The following CSMD1 variants were observed in gnomAD, a reference collection of about 807,000 sequenced individuals.
CSMD1 encodes CUB and sushi domain-containing protein 1.
In CSMD1, 213 loss-of-function variants were observed where a neutral mutation model predicts 417.5. The ratio of observed to expected loss-of-function variants is 0.51; its 90% CI spans 0.46 to 0.57. The LOEUF is 0.57. Ranked by LOEUF, CSMD1 falls within the 20% of genes least tolerant of loss-of-function variation. CSMD1 has a pLI of 0.00. For synonymous variants in CSMD1, 2,862 were observed against 1,736.8 expected, an observed-to-expected ratio of 1.65 and a Z score of -16.11; for missense variants, 6,923 against 4,529.7, an observed-to-expected ratio of 1.53 and a Z score of -15.17.
At chr8:4,600,238 C>T (rs1800511727) in intron 2 of CSMD1, among the ~76,000 whole-genome samples, 1 of 151,940 alleles carries the variant, frequency 6.6e-6, no homozygotes. Context: ...TGATACTCTA[C>T]TCTCTCTCTC....
intron 2 of CSMD1, among the ~76,000 whole-genome samples, chr8:4,507,735 G>C (rs1269543779): frequency 1.3e-5 from 2 of 152,162 alleles, no homozygotes; most frequent in Non-Finnish European, 1.5e-5. Flanking sequence ...CTAAGAGGTA[G>C]ATCAGTTTAT....
chr8:3,518,281 A>T (rs1797364338), intron 10 of CSMD1, among the ~76,000 whole-genome samples: 1 of 152,198 alleles, frequency 6.6e-6, no homozygotes, highest in African/African-American at 2.4e-5. Flanking sequence ...ATTATATAAG[A>T]GAGAATTATT....
intron 2 of CSMD1, among the ~76,000 whole-genome samples, chr8:4,424,510 C>T (rs921986657): frequency 6.6e-6 from 1 of 151,694 alleles, no homozygotes; most frequent in African/African-American, 2.4e-5. Flanking sequence ...ATATTTCAGC[C>T]AATCAGAATA....
At chr8:3,565,060 CA>C (rs1799639855) in intron 10 of CSMD1, among the ~76,000 whole-genome samples, 1 of 138,498 alleles carries the variant, frequency 7.2e-6, no homozygotes, top group Admixed American at 7.8e-5. Context: ...GCACATCCTG[CA>C]CATGGACCCC....
chr8:4,578,206 G>A (rs1019278296), intron 2 of CSMD1, among the ~76,000 whole-genome samples: 1 of 151,942 alleles, frequency 6.6e-6, no homozygotes, highest in Non-Finnish European at 1.5e-5. Context: ...TGTTGCCCAC[G>A]CTGGAGTGCA....
chr8:3,737,091 T>C (rs1796558837), intron 6 of CSMD1, among the ~76,000 whole-genome samples: 1 of 152,232 alleles, frequency 6.6e-6, no homozygotes, highest in South Asian at 2.1e-4. Flanking sequence ...TATATTATAG[T>C]CATGTAACTA....
chr8:4,858,896 A>T (rs1037098264), intron 1 of CSMD1, among the ~76,000 whole-genome samples: 27 of 150,928 alleles, frequency 1.8e-4, no homozygotes, highest in African/African-American at 6.1e-4. Flanking sequence ...GACTTTCTTC[A>T]CAGAATTGGA....
chr8:3,696,588 A>T lies in CSMD1; in HGVS notation c.1009+11826T>A, dbSNP rs2624112. Reference sequence around the variant, plus strand: ...AATTAGTGTGGTAATTAATTTGGGCAGATCAGGAAAAAAATGAGCGCTTTG... The same window carrying T: ...AATTAGTGTGGTAATTAATTTGGGCTGATCAGGAAAAAAATGAGCGCTTTG... On this transcript the variant is annotated intron_variant, in intron 7 of 69. Transcript: ENST00000635120. Among the ~76,000 whole-genome samples, 971 of 152,318 alleles carry T rather than the reference A, an allele frequency of 6.4e-3. 13 individuals carry two copies. The highest frequency in any genetic ancestry group is 0.022 in the African/African-American group (910 of 41,582).
intron 5 of CSMD1, among the ~76,000 whole-genome samples, chr8:3,914,977 C>G (rs1808716427): frequency 2.0e-5 from 3 of 152,246 alleles, no homozygotes; most frequent in South Asian, 2.1e-4. Context: ...GTGATGAAAG[C>G]TGAACGGAAC....
chr8:3,779,484 A>T (rs919487135), intron 5 of CSMD1, among the ~76,000 whole-genome samples: 66 of 152,204 alleles, frequency 4.3e-4, no homozygotes, highest in Non-Finnish European at 1.3e-4. Context: ...ATCCTTTTAT[A>T]GTATTCACTG....
At chr8:4,963,667 T>C (rs975626409) in intron 1 of CSMD1, among the ~76,000 whole-genome samples, 2 of 152,250 alleles carry the variant, frequency 1.3e-5, no homozygotes, top group African/African-American at 4.8e-5. Context: ...TGAATTTGCG[T>C]TGAAATTCCT....
chr8:4,173,695 T>G (rs1425117524), intron 3 of CSMD1, among the ~76,000 whole-genome samples: 1 of 152,142 alleles, frequency 6.6e-6, no homozygotes, highest in African/African-American at 2.4e-5. Context: ...ATTTCTGAAT[T>G]ACTCAAATAA....
At chr8:3,966,290 G>C (rs1319810140) in intron 5 of CSMD1, among the ~76,000 whole-genome samples, 3 of 152,118 alleles carry the variant, frequency 2.0e-5, no homozygotes, top group South Asian at 4.1e-4. Context: ...AGAGGGGCTT[G>C]GACAGTAACT....
intron 37 of CSMD1, among the ~76,000 whole-genome samples, chr8:3,167,697 A>G (rs34486296): frequency 4.6e-5 from 7 of 152,238 alleles, no homozygotes; most frequent in African/African-American, 1.4e-4. Context: ...AATCTAAAAC[A>G]CAGCCATTAA....
chr8:4,472,699 G>C (rs1055142067), intron 2 of CSMD1, among the ~76,000 whole-genome samples: 18 of 152,026 alleles, frequency 1.2e-4, no homozygotes, highest in Non-Finnish European at 7.4e-5. Context: ...ATATTGAAAT[G>C]AGCATATTAG....
At chr8:3,996,706 GA>G (rs1202275095) in intron 5 of CSMD1, among the ~76,000 whole-genome samples, 4 of 152,242 alleles carry the variant, frequency 2.6e-5, no homozygotes, top group African/African-American at 7.2e-5. Flanking sequence ...GAAAAAAATT[GA>G]AAACAAAGAC....
chr8:3,337,759 G>A (rs1214289773), intron 23 of CSMD1, among the ~76,000 whole-genome samples: 1 of 152,194 alleles, frequency 6.6e-6, no homozygotes, highest in Admixed American at 6.5e-5. Flanking sequence ...CTAATGGGTA[G>A]AGAGAAAGTC....
intron 3 of CSMD1, among the ~76,000 whole-genome samples, chr8:4,159,557 G>C (rs1207553317): frequency 6.6e-6 from 1 of 152,124 alleles, no homozygotes; most frequent in Admixed American, 6.5e-5. Flanking sequence ...TGAATTAATG[G>C]TATTCACAGC....
At chr8:3,353,960 G>T (rs1585042755) in intron 21 of CSMD1, among the ~76,000 whole-genome samples, 1 of 152,098 alleles carries the variant, frequency 6.6e-6, no homozygotes, top group African/African-American at 2.4e-5. Context: ...TCCTGTCTCA[G>T]TCTGCTTGGC....
Sources: allele counts gnomAD v4.1 joint callset (sites outside exome capture counted in the v4.1 genomes callset), GRCh38; gene constraint gnomAD v4.1.1; transcripts MANE v1.5; gene names NCBI Gene and HGNC (gene_info 2026-07-23, HGNC 2026-07-21).